The following STK4 variants were observed in gnomAD, a reference collection of about 807,000 sequenced individuals.
STK4 encodes serine/threonine kinase 4.
In STK4, 30 loss-of-function variants were observed where a neutral mutation model predicts 64.9. That is an observed-to-expected ratio of 0.46 (90% CI 0.35 to 0.63). The LOEUF (loss-of-function observed/expected upper bound fraction) is 0.63. Among genes scored for constraint, STK4 ranks in the 20% least tolerant of loss-of-function variants. The pLI is 0.01. For missense variants in STK4, 466 were observed against 598.5 expected, an observed-to-expected ratio of 0.78 and a Z score of 2.31; for synonymous variants, 177 against 199.0, an observed-to-expected ratio of 0.89 and a Z score of 0.93.
chr20:44,997,155 T>A lies in STK4; in HGVS notation c.694-14T>A. On this transcript the variant is annotated splice_polypyrimidine_tract_variant and intron_variant, in intron 6 of 10. Transcript: ENST00000372806. ...TTTACCAGATCTTTTTGTTTGTTTG[T>A]TTGTTCTAACCAGGCAATCTTCATG... The A allele has an allele frequency of 6.2e-7, 1 of 1,613,280 alleles. No individual in the cohort carries two copies. Among genetic ancestry groups the A allele is most frequent in the Non-Finnish European group, 8.5e-7 (1 of 1,179,474 alleles).
At chr20:45,031,208 T>C (rs1386158010) in intron 10 of STK4, among the ~76,000 whole-genome samples, 1 of 151,734 alleles carries the variant, frequency 6.6e-6, no homozygotes, top group Non-Finnish European at 1.5e-5. Context: ...TTAAGAGATA[T>C]TGTGAGAAAA....
At chr20:45,064,483 T>C (rs1411975962) in intron 10 of STK4, among the ~76,000 whole-genome samples, 16 of 152,224 alleles carry the variant, frequency 1.1e-4, no homozygotes, top group Admixed American at 1.0e-3. Flanking sequence ...TCATTAGTAA[T>C]TTGATAGGAA....
chr20:45,024,939 T>C (rs2068316885), intron 9 of STK4, 34 bp from the exon 10 acceptor site: 8 of 1,517,342 alleles, frequency 5.3e-6, no homozygotes, highest in Non-Finnish European at 7.1e-6. Flanking sequence ...ATTTAGAATG[T>C]TTCTTTTCAT....
At chr20:45,013,633 T>C (rs1375866576) in intron 9 of STK4, among the ~76,000 whole-genome samples, 1 of 152,216 alleles carries the variant, frequency 6.6e-6, no homozygotes, top group East Asian at 1.9e-4. Flanking sequence ...TTCTTTGTTA[T>C]TTTTTGAGAC....
At chr20:45,047,392 G>A (rs1411897714) in intron 10 of STK4, among the ~76,000 whole-genome samples, 12 of 152,202 alleles carry the variant, frequency 7.9e-5, no homozygotes, top group Admixed American at 4.6e-4. Context: ...TATATGTGCC[G>A]ATGGTAAACA....
chr20:45,011,047 C>T (rs927438013), intron 9 of STK4, among the ~76,000 whole-genome samples: 3 of 152,144 alleles, frequency 2.0e-5, no homozygotes, highest in Non-Finnish European at 4.4e-5. Context: ...AACCATGGTC[C>T]ACGTTACTTG....
At chr20:44,979,253 T>C (rs1434838039) in intron 3 of STK4, among the ~76,000 whole-genome samples, 2 of 152,184 alleles carry the variant, frequency 1.3e-5, no homozygotes, top group East Asian at 3.8e-4. Context: ...ATAATTCAAA[T>C]GTTTTTTAGT....
At chr20:45,007,538 C>T (rs2067969974) in intron 9 of STK4, among the ~76,000 whole-genome samples, 1 of 150,094 alleles carries the variant, frequency 6.7e-6, no homozygotes, top group Non-Finnish European at 1.5e-5. Flanking sequence ...CAGAGCGAGA[C>T]TCCATCTCAA....
At chr20:44,998,682 G>C (rs1014651290) in intron 7 of STK4, among the ~76,000 whole-genome samples, 1 of 152,094 alleles carries the variant, frequency 6.6e-6, no homozygotes, top group Non-Finnish European at 1.5e-5. Context: ...GGCTTTCAAC[G>C]TGCAGTTACT....
intron 5 of STK4, among the ~76,000 whole-genome samples, chr20:44,991,889 C>G (rs2067641346): frequency 6.6e-6 from 1 of 152,124 alleles, no homozygotes; most frequent in Non-Finnish European, 1.5e-5. Context: ...GTCTCAAACT[C>G]CTGAGCTCAA....
intron 10 of STK4, among the ~76,000 whole-genome samples, chr20:45,048,454 C>T (rs927871217): frequency 2.0e-5 from 3 of 151,850 alleles, no homozygotes; most frequent in African/African-American, 7.3e-5. Context: ...GGAAGACCTA[C>T]ACTTATTTCA....
intron 10 of STK4, among the ~76,000 whole-genome samples, chr20:45,054,609 C>T (rs1051690069): frequency 6.7e-6 from 1 of 148,622 alleles, no homozygotes; most frequent in Admixed American, 6.7e-5. Flanking sequence ...AAGTACAGAC[C>T]CCAGAGTCAG....
At chr20:45,000,596 G>A (rs1301161733) in intron 8 of STK4, 76 bp downstream of exon 8, 3 of 1,588,410 alleles carry the variant, frequency 1.9e-6, no homozygotes, top group Non-Finnish European at 2.6e-6. Context: ...GGTAAGATGA[G>A]TAGGAGGTAT....
intron 10 of STK4, among the ~76,000 whole-genome samples, chr20:45,055,309 T>G (rs1460720498): frequency 6.6e-6 from 1 of 152,242 alleles, no homozygotes; most frequent in Non-Finnish European, 1.5e-5. Context: ...GTCCTTGTGG[T>G]CTAGATTTCT....
intron 1 of STK4, chr20:44,967,321 A>G: frequency 1.3e-6 from 1 of 797,086 alleles, no homozygotes; most frequent in Non-Finnish European, 1.5e-6. Flanking sequence ...ACTGAGGTCC[A>G]GAGTAGTTGG....
chr20:45,015,464 C>A (rs896387634), intron 9 of STK4, among the ~76,000 whole-genome samples: 1 of 152,194 alleles, frequency 6.6e-6, no homozygotes, highest in Non-Finnish European at 1.5e-5. Flanking sequence ...AATTTCTGAT[C>A]CCTTCAGGAT....
intron 10 of STK4, among the ~76,000 whole-genome samples, chr20:45,064,636 A>G (rs1003814274): frequency 1.3e-5 from 2 of 151,774 alleles, no homozygotes; most frequent in African/African-American, 4.9e-5. Flanking sequence ...TTAAGTAGAG[A>G]TCTTTCACTT....
intron 1 of STK4, among the ~76,000 whole-genome samples, chr20:44,971,828 G>A (rs1374467060): frequency 2.0e-5 from 3 of 151,710 alleles, no homozygotes; most frequent in East Asian, 1.9e-4. Context: ...GCGTTACCAC[G>A]CCCAGCTAAT....
chr20:45,007,546 C>CAAAAA lies in STK4; in HGVS notation c.1147+6195_1147+6199dup, dbSNP rs1390989727. On this transcript the variant is annotated intron_variant, in intron 9 of 10. Coordinates refer to ENST00000372806, the MANE Select transcript of STK4 (RefSeq NM_006282.5). ...CGGGTGACAGAGCGAGACTCCATCT[C>CAAAAA]AAAAAACAAACAAACAAAAAAAAGA... is the stretch of plus-strand genomic sequence containing the variant. 2.6e-3 allele frequency among the ~76,000 whole-genome samples: 383 copies of CAAAAA among 149,780 alleles called. 5 individuals carry two copies. Among genetic ancestry groups the CAAAAA allele is most frequent in the African/African-American group, 9.1e-3 (359 of 39,434 alleles).
Sources: gnomAD v4.1 joint callset for allele counts (sites outside exome capture counted in the v4.1 genomes callset) on GRCh38, gnomAD v4.1.1 for gene constraint, MANE v1.5 for transcripts, NCBI Gene and HGNC (gene_info 2026-07-23, HGNC 2026-07-21) for gene names.